Variants in FOXP1 observed in about 807,000 individuals in gnomAD.
The protein encoded by FOXP1 is forkhead box protein P1.
In FOXP1, 15 loss-of-function variants were observed where a neutral mutation model predicts 98.2. The ratio of observed to expected loss-of-function variants is 0.15; its 90% CI spans 0.10 to 0.24. FOXP1 has a LOEUF of 0.24. FOXP1 is among the 10% of genes least tolerant of loss of function. The pLI is 1.00. For missense variants in FOXP1, 633 were observed against 848.5 expected, an observed-to-expected ratio of 0.75 and a Z score of 3.15; for synonymous variants, 371 against 314.5, an observed-to-expected ratio of 1.18 and a Z score of -1.90.
At chr3:71,542,270 G>A (rs1192057557) in intron 2 of FOXP1, among the ~76,000 whole-genome samples, 2 of 152,112 alleles carry the variant, frequency 1.3e-5, no homozygotes, top group Admixed American at 1.3e-4. Flanking sequence ...TAGCTCTTAA[G>A]CATATTACGA....
chr3:70,987,461 T>G (rs1174075355), intron 14 of FOXP1, among the ~76,000 whole-genome samples: 1 of 152,236 alleles, frequency 6.6e-6, no homozygotes, highest in East Asian at 1.9e-4. Context: ...CATTTCAAAC[T>G]CCTTAGTAAC....
intron 2 of FOXP1, among the ~76,000 whole-genome samples, chr3:71,563,568 T>C: frequency 6.6e-6 from 1 of 152,204 alleles, no homozygotes; most frequent in East Asian, 1.9e-4. Flanking sequence ...ATTTAAACAT[T>C]TGGAAAACTT....
chr3:71,368,790 T>C (rs908320110), intron 3 of FOXP1, among the ~76,000 whole-genome samples: 8 of 152,188 alleles, frequency 5.3e-5, no homozygotes, highest in Admixed American at 3.3e-4. Context: ...AAGCCCATGA[T>C]GGAAGGTCAA....
chr3:71,454,659 G>C (rs1341843365), intron 3 of FOXP1, among the ~76,000 whole-genome samples: 2 of 152,100 alleles, frequency 1.3e-5, no homozygotes, highest in African/African-American at 4.8e-5. Context: ...GGTATGAGGA[G>C]GACTGTGCTC....
At position 71,235,783 on chromosome 3, in the gene FOXP1, G is replaced by A. The variant is rs571151533; in HGVS notation, c.-11-37391C>T. ...GGGTTTCACCGTGTTAGCCAGGATG[G>A]TCTCTATCTCCTGACCTCATGATCC... On this transcript the variant is annotated intron_variant, in intron 5 of 20. Coordinates refer to ENST00000649528, the MANE Select transcript of FOXP1 (RefSeq NM_001349338.3). Among the ~76,000 whole-genome samples, 39 of 152,178 alleles carry A rather than the reference G, an allele frequency of 2.6e-4. No homozygotes were observed. In the East Asian group the frequency reaches 5.8e-3, roughly 23 times the overall value.
intron 3 of FOXP1, among the ~76,000 whole-genome samples, chr3:71,425,523 G>A (rs922201308): frequency 6.6e-6 from 1 of 152,106 alleles, no homozygotes; most frequent in African/African-American, 2.4e-5. Context: ...TCTCAGAGCT[G>A]GAACTCCCTC....
intron 11 of FOXP1, among the ~76,000 whole-genome samples, chr3:71,027,601 T>C (rs1203133920): frequency 6.6e-6 from 1 of 152,230 alleles, no homozygotes; most frequent in Non-Finnish European, 1.5e-5. Context: ...GTGATAATCA[T>C]GTTAGGTTCT....
chr3:71,311,904 A>T (rs1452636790), intron 4 of FOXP1, among the ~76,000 whole-genome samples: 2 of 152,168 alleles, frequency 1.3e-5, no homozygotes, highest in Non-Finnish European at 2.9e-5. Flanking sequence ...ATATCTGCAG[A>T]TCCCAGCTCC....
chr3:71,322,308 A>G (rs2075437491), intron 4 of FOXP1, among the ~76,000 whole-genome samples: 1 of 152,232 alleles, frequency 6.6e-6, no homozygotes, highest in East Asian at 1.9e-4. Context: ...AATATAACTA[A>G]AAATTCAGTT....
chr3:71,016,345 G>A (rs1386371609), intron 11 of FOXP1, among the ~76,000 whole-genome samples: 3 of 152,194 alleles, frequency 2.0e-5, no homozygotes, highest in Non-Finnish European at 2.9e-5. Context: ...CTGGCCACAC[G>A]GATCCAAGTC....
rs540929066 is a variant in FOXP1, at chr3:70,970,700, C to A, written c.1722+36G>T. ...TTGAAATGAGTAGGGGAGACCTGTG[C>A]CTCTGCTGCATATTCGGGACGGCCG... On this transcript the variant is annotated intron_variant, in intron 19 of 20. Coordinates refer to ENST00000649528, the MANE Select transcript of FOXP1 (RefSeq NM_001349338.3). 1.7e-5 allele frequency: 26 copies of A among 1,497,910 alleles called. No individual in the cohort carries two copies. In the South Asian group the frequency reaches 2.8e-4, roughly 16 times the overall value. The allele number at this position is 1,497,910 out of a possible 1,614,324, so 92.8% of individuals were successfully genotyped here.
intron 7 of FOXP1, among the ~76,000 whole-genome samples, chr3:71,055,295 TG>T (rs2050471640): frequency 6.6e-6 from 1 of 152,162 alleles, no homozygotes; most frequent in South Asian, 2.1e-4. Context: ...GTTTCATGTG[TG>T]GGGATGTTGA....
chr3:71,067,087 A>T (rs895753241), intron 7 of FOXP1, among the ~76,000 whole-genome samples: 3 of 152,036 alleles, frequency 2.0e-5, no homozygotes, highest in Non-Finnish European at 4.4e-5. Flanking sequence ...TGGCATTTAA[A>T]GGCTGATGGT....
intron 3 of FOXP1, among the ~76,000 whole-genome samples, chr3:71,400,414 T>G (rs899675155): frequency 2.0e-5 from 3 of 152,100 alleles, no homozygotes; most frequent in Non-Finnish European, 4.4e-5. Flanking sequence ...TGGAGTGCAG[T>G]GGTGCAATCT....
At chr3:71,306,564 C>T (rs866393943) in intron 4 of FOXP1, among the ~76,000 whole-genome samples, 3 of 126,914 alleles carry the variant, frequency 2.4e-5, no homozygotes, top group Middle Eastern at 5.6e-3. Flanking sequence ...TATACACACA[C>T]ATATATATAT....
At position 71,198,240 on chromosome 3, in the gene FOXP1, C is replaced by G. The variant is rs200378555; in HGVS notation, c.142G>C (p.Ala48Pro). 1.9e-6 allele frequency: 3 copies of G among 1,614,082 alleles called. No individual in the cohort carries two copies. The highest frequency in any genetic ancestry group is 8.5e-7 in the Non-Finnish European group (1 of 1,180,046). ...TGCTGGGCGTGGGCGAGGTCAGCTGCCCCGATGTCCACGGCCGGCGTCTCT... is the reference window on the plus strand; with the variant it reads ...TGCTGGGCGTGGGCGAGGTCAGCTGGCCCGATGTCCACGGCCGGCGTCTCT... ...NGETPAVDIG[A>P]ADLAHAQQQQ... The change falls in exon 6 of 21, where the codon GCA becomes CCA. Residue 48 changes from alanine to proline, a missense_variant. Ala to Pro is a conservative substitution (Grantham distance 27). This residue lies in a region of FOXP1 where 103 missense variants were observed against 85.5 expected (regional missense o/e 1.20). Transcript: ENST00000649528.
At chr3:71,331,650 T>C (rs1485415108) in intron 4 of FOXP1, among the ~76,000 whole-genome samples, 2 of 152,170 alleles carry the variant, frequency 1.3e-5, no homozygotes, top group South Asian at 2.1e-4. Context: ...TCAAGGTTTG[T>C]AAATACACCA....
intron 5 of FOXP1, among the ~76,000 whole-genome samples, chr3:71,232,062 T>C (rs147593838): frequency 4.3e-4 from 66 of 152,366 alleles, no homozygotes; most frequent in African/African-American, 1.3e-3. Context: ...TCTGTCTCTC[T>C]TGTCAGGTCA....
intron 3 of FOXP1, among the ~76,000 whole-genome samples, chr3:71,414,939 C>A (rs2083095544): frequency 6.6e-6 from 1 of 152,232 alleles, no homozygotes. Context: ...TGTTCCCATT[C>A]AAAATACTGC....
Sources: allele counts gnomAD v4.1 joint callset (sites outside exome capture counted in the v4.1 genomes callset), GRCh38; gene constraint gnomAD v4.1.1; regional missense constraint gnomAD v4.1.1; transcripts MANE v1.5; gene names NCBI Gene and HGNC (gene_info 2026-07-23, HGNC 2026-07-21).